STK10: variants seen among roughly 807,000 people sequenced by gnomAD.
The protein encoded by STK10 is serine/threonine kinase 10.
STK10 carries 78 observed loss-of-function variants against 113.8 expected under a neutral mutation model. That is an observed-to-expected ratio of 0.69 (90% CI 0.57 to 0.83). The LOEUF is 0.83. Ranked by LOEUF, STK10 falls within the 40% of genes least tolerant of loss-of-function variation. The pLI is 0.00. For missense variants in STK10, 1,109 were observed against 1,280.1 expected, an observed-to-expected ratio of 0.87 and a Z score of 2.04; for synonymous variants, 465 against 494.7, an observed-to-expected ratio of 0.94 and a Z score of 0.80.
chr5:172,109,398 C>T (rs10042883), intron 4 of STK10, among the ~76,000 whole-genome samples: 1,719 of 151,808 alleles, frequency 0.011, 46 homozygotes, highest in African/African-American at 0.038. Flanking sequence ...TCATGGCTCA[C>T]TGCAGCCTCA....
chr5:172,178,249 C>T (rs1489381261), intron 1 of STK10, among the ~76,000 whole-genome samples: 3 of 152,180 alleles, frequency 2.0e-5, no homozygotes, highest in African/African-American at 7.2e-5. Context: ...GGGGCCACAC[C>T]GTGTGGCCCC....
At chr5:172,110,606 A>G (rs1225941420) in intron 4 of STK10, among the ~76,000 whole-genome samples, 1 of 152,120 alleles carries the variant, frequency 6.6e-6, no homozygotes, top group Non-Finnish European at 1.5e-5. Flanking sequence ...GGGAGGCAGG[A>G]AACAGCAGGC....
intron 4 of STK10, among the ~76,000 whole-genome samples, chr5:172,109,546 A>G (rs1017275079): frequency 2.0e-5 from 3 of 151,796 alleles, no homozygotes; most frequent in Non-Finnish European, 4.4e-5. Context: ...GGCTCAAGCA[A>G]TCCTCCTGCC....
intron 2 of STK10, among the ~76,000 whole-genome samples, chr5:172,153,357 AG>A (rs1194093211): frequency 2.0e-5 from 3 of 152,162 alleles, no homozygotes; most frequent in Non-Finnish European, 4.4e-5. Flanking sequence ...CTCACATTAT[AG>A]TTCTACTGGT....
At chr5:172,111,481 C>G (rs908142369) in intron 4 of STK10, among the ~76,000 whole-genome samples, 2 of 152,214 alleles carry the variant, frequency 1.3e-5, no homozygotes, top group Admixed American at 6.5e-5. Flanking sequence ...CTGCCCCACA[C>G]GATGGGGCCC....
In STK10 at chr5:172,120,970, A is replaced by C. The variant is rs1167763520; in HGVS notation, c.371-3340T>G. Among the ~76,000 whole-genome samples, 1 of 151,770 alleles carries C rather than the reference A, an allele frequency of 6.6e-6. No individual in the cohort carries two copies. The highest frequency in any genetic ancestry group is 2.4e-5 in the African/African-American group (1 of 41,284). ...TGTCATTTAATCCTCGCAGTAACCC[A>C]GTGAGGTGGGAAGGAGATACTCTTT... is the stretch of plus-strand genomic sequence containing the variant. On this transcript the variant is annotated intron_variant, in intron 3 of 18. Coordinates refer to ENST00000176763, the MANE Select transcript of STK10 (RefSeq NM_005990.4). This position sits in a 1 kb window ranked among gnomAD's most constrained non-coding sequence, Gnocchi z 4.0.
intron 4 of STK10, among the ~76,000 whole-genome samples, chr5:172,111,259 C>A (rs1167759671): frequency 2.0e-5 from 3 of 152,156 alleles, no homozygotes; most frequent in African/African-American, 2.4e-5. Flanking sequence ...TCATCCCATC[C>A]CAGGAAACCT....
chr5:172,181,805 T>C lies in STK10; in HGVS notation c.156+6082A>G, dbSNP rs530481888. On this transcript the variant is annotated intron_variant, in intron 1 of 18. Transcript: ENST00000176763. ...CAGCCTGGGTGACAGAGCAAGACTC[T>C]GTCTAAAAGAAAAAAAGAAATAAAA... Among the ~76,000 whole-genome samples, 22 of 151,748 alleles carry C rather than the reference T, an allele frequency of 1.4e-4. 1 individual carries two copies. Among genetic ancestry groups the C allele is most frequent in the Admixed American group, 1.3e-3 (20 of 15,216 alleles).
intron 2 of STK10, among the ~76,000 whole-genome samples, chr5:172,145,741 G>A (rs1275461528): frequency 2.0e-5 from 3 of 152,242 alleles, no homozygotes; most frequent in Non-Finnish European, 2.9e-5. Flanking sequence ...ATGCTCATCT[G>A]TAAAGTGGGG....
At chr5:172,128,221 CAAAAA>C (rs35298910) in intron 2 of STK10, among the ~76,000 whole-genome samples, 2 of 77,254 alleles carry the variant, frequency 2.6e-5, no homozygotes, top group East Asian at 3.8e-4. Context: ...GACTCCGTCT[CAAAAA>C]AAAAAAAAAA....
chr5:172,053,203 A>G (rs1767669189), intron 17 of STK10, 161 bp from the exon 18 acceptor site: 2 of 615,994 alleles, frequency 3.2e-6, no homozygotes, highest in East Asian at 2.8e-5. Context: ...CGTAAATCAC[A>G]TGCACCAAGA....
intron 1 of STK10, among the ~76,000 whole-genome samples, chr5:172,172,535 T>C (rs1215817285): frequency 6.6e-6 from 1 of 152,228 alleles, no homozygotes; most frequent in Non-Finnish European, 1.5e-5. Flanking sequence ...GGTGTAAAGA[T>C]GCCTATGTCC....
intron 10 of STK10, among the ~76,000 whole-genome samples, chr5:172,084,130 A>G (rs141513009): frequency 0.041 from 6,271 of 151,822 alleles, 439 homozygotes; most frequent in African/African-American, 0.14. Context: ...AGCTGGGCAC[A>G]GTGGCTCATA....
intron 18 of STK10, among the ~76,000 whole-genome samples, chr5:172,048,038 G>T (rs1405357182): frequency 6.6e-6 from 1 of 152,020 alleles, no homozygotes; most frequent in East Asian, 1.9e-4. Context: ...ATGTAGCTGG[G>T]ATTACAGGCA....
intron 4 of STK10, among the ~76,000 whole-genome samples, chr5:172,110,825 C>T (rs1769222895): frequency 6.6e-6 from 1 of 152,158 alleles, no homozygotes; most frequent in Non-Finnish European, 1.5e-5. Context: ...GCAAGGTCCA[C>T]TCGTGGCAAA....
chr5:172,109,011 C>T (rs1283777241), intron 4 of STK10, among the ~76,000 whole-genome samples: 1 of 152,028 alleles, frequency 6.6e-6, no homozygotes, highest in African/African-American at 2.4e-5. Context: ...TCTTGAACTC[C>T]TAACCTCAGG....
In STK10 at chr5:172,187,608, C is replaced by A. The variant is rs1276911400; in HGVS notation, c.156+279G>T. Among the ~76,000 whole-genome samples the A allele has an allele frequency of 6.6e-6, 1 of 152,222 alleles. No homozygotes were observed. Among genetic ancestry groups the A allele is most frequent in the Non-Finnish European group, 1.5e-5 (1 of 68,038 alleles). ...AACGCCCCTTTGTCTCCCCGTGCGG[C>A]GCCGAGCGCAGTGCAGGACACACAG... On this transcript the variant is annotated intron_variant, in intron 1 of 18. Transcript: ENST00000176763. This position sits in a 1 kb window ranked among gnomAD's most constrained non-coding sequence, Gnocchi z 4.6.
In STK10 at chr5:172,152,972, T is replaced by G. The variant is rs570935008; in HGVS notation, c.321+3652A>C. On this transcript the variant is annotated intron_variant, in intron 2 of 18. Coordinates refer to ENST00000176763, the MANE Select transcript of STK10 (RefSeq NM_005990.4). ...ATCTGTTTCTTTTTGCTCTTTTGGA[T>G]GTGGCTGTTAGAAATGTAAAATTAT... Among the ~76,000 whole-genome samples, 6 of 152,342 alleles carry G rather than the reference T, an allele frequency of 3.9e-5. No individual in the cohort carries two copies. In the East Asian group the frequency reaches 7.7e-4, roughly 20 times the overall value.
At position 172,057,433 on chromosome 5, in the gene STK10, C is replaced by T. The variant is rs1358872780; in HGVS notation, c.2253G>A (p.Leu751=). ...AALWEMEEHQ[L]QERHQLVKQQ... ...GCTTCACCAGCTGGTGCCTCTCCTGCAGCTGGTGCTCTTCCATCTCCCACA... is the reference window on the plus strand; with the variant it reads ...GCTTCACCAGCTGGTGCCTCTCCTGTAGCTGGTGCTCTTCCATCTCCCACA... Residue 751 remains leucine, a synonymous_variant, in exon 15 of 19, where the codon CTG becomes CTA. Coordinates refer to ENST00000176763, the MANE Select transcript of STK10 (RefSeq NM_005990.4). 3 of 1,551,242 alleles carry T rather than the reference C, an allele frequency of 1.9e-6. No homozygotes were observed. The South Asian group carries it at 3.6e-5, about 18-fold the overall frequency.
Sources: allele counts gnomAD v4.1 joint callset (sites outside exome capture counted in the v4.1 genomes callset), GRCh38; gene constraint gnomAD v4.1.1; non-coding constraint Gnocchi (gnomAD v3.1); transcripts MANE v1.5; gene names NCBI Gene and HGNC (gene_info 2026-07-23, HGNC 2026-07-21).